The following TMEM117 variants were observed in gnomAD, a reference collection of about 807,000 sequenced individuals.
TMEM117 encodes transmembrane protein 117.
TMEM117 carries 27 observed loss-of-function variants against 52.4 expected under a neutral mutation model. The observed-to-expected ratio is 0.51, with a 90% CI of 0.38 to 0.71. The LOEUF (loss-of-function observed/expected upper bound fraction) is 0.71, where lower values mean the gene tolerates loss of function less well. Among genes scored for constraint, TMEM117 ranks in the 30% least tolerant of loss-of-function variants. TMEM117 has a pLI of 0.00. For missense variants in TMEM117, 556 were observed against 630.5 expected, an observed-to-expected ratio of 0.88 and a Z score of 1.26; for synonymous variants, 215 against 206.3, an observed-to-expected ratio of 1.04 and a Z score of -0.36.
intron 6 of TMEM117, among the ~76,000 whole-genome samples, chr12:44,327,324 A>G (rs1951209942): frequency 6.6e-6 from 1 of 152,228 alleles, no homozygotes; most frequent in Admixed American, 6.5e-5. Flanking sequence ...GTTTAGGAGG[A>G]TAAATAAAAG....
chr12:44,394,412 C>T (rs373960243), downstream of TMEM117, among the ~76,000 whole-genome samples: 17 of 152,176 alleles, frequency 1.1e-4, no homozygotes, highest in East Asian at 1.2e-3. Context: ...GTTGATGCTG[C>T]CATTAAACAT....
chr12:43,962,037 T>C (rs1469266121), intron 3 of TMEM117, among the ~76,000 whole-genome samples: 1 of 152,180 alleles, frequency 6.6e-6, no homozygotes, highest in Non-Finnish European at 1.5e-5. Context: ...CAGAGTCCTA[T>C]TAAGAAAATA....
rs1485053808 is a variant in TMEM117 at position 44,146,528 on chromosome 12, G to A, written c.510+2904G>A. 3.9e-5 allele frequency among the ~76,000 whole-genome samples: 6 copies of A among 152,220 alleles called. No individual in the cohort carries two copies. The East Asian group carries it at 9.7e-4, about 25-fold the overall frequency. The stretch of plus-strand genomic sequence containing the variant: ...CCTTTCCACATTAGACACAGGGATA[G>A]AAATAGCAAAGGAAATACCAAGTGC... On this transcript the variant is annotated intron_variant, in intron 4 of 7. Coordinates refer to ENST00000266534, the MANE Select transcript of TMEM117 (RefSeq NM_032256.3).
At chr12:44,073,507 A>T (rs376332064) in intron 3 of TMEM117, 19 of 152,254 alleles carry the variant, frequency 1.2e-4, no homozygotes, top group African/African-American at 4.6e-4. Context: ...TCATACTATT[A>T]TTGAGGTTTT....
the TMEM117 span, chr12:43,799,541 G>T: frequency 8.4e-7 from 1 of 1,191,038 alleles, no homozygotes; most frequent in African/African-American, 1.6e-5. Flanking sequence ...TAATTCTCTA[G>T]AAGTAAAATG....
chr12:44,330,634 A>G (rs1322251801), intron 6 of TMEM117, among the ~76,000 whole-genome samples: 1 of 152,080 alleles, frequency 6.6e-6, no homozygotes, highest in African/African-American at 2.4e-5. Context: ...TTTAATAGCC[A>G]CATGTAGCTA....
At chr12:44,107,285 G>A (rs1489915521) in intron 3 of TMEM117, among the ~76,000 whole-genome samples, 2 of 152,052 alleles carry the variant, frequency 1.3e-5, no homozygotes, top group East Asian at 1.9e-4. Flanking sequence ...TGGCTCCAGG[G>A]CTCACAGTGT....
chr12:44,236,739 T>C (rs1467505127), intron 5 of TMEM117, among the ~76,000 whole-genome samples: 1 of 152,132 alleles, frequency 6.6e-6, no homozygotes, highest in East Asian at 1.9e-4. Flanking sequence ...GGATAGCTTC[T>C]TTTTCAGAGT....
intron 6 of TMEM117, among the ~76,000 whole-genome samples, chr12:44,369,433 T>C (rs1233993729): frequency 6.6e-6 from 1 of 152,218 alleles, no homozygotes; most frequent in Non-Finnish European, 1.5e-5. Flanking sequence ...GCTTGACTTA[T>C]TTGCTTTTTC....
At chr12:44,179,868 A>G (rs748505223) in intron 4 of TMEM117, among the ~76,000 whole-genome samples, 1 of 152,196 alleles carries the variant, frequency 6.6e-6, no homozygotes, top group Non-Finnish European at 1.5e-5. Flanking sequence ...TCAGTGCTAT[A>G]TAACAACAAT....
rs375987465 is a variant in TMEM117, at chr12:44,011,253, C to T, written c.410+66911C>T. Among the ~76,000 whole-genome samples the T allele has an allele frequency of 5.9e-5, 9 of 152,164 alleles. No homozygotes were observed. In the Middle Eastern group the frequency reaches 0.017, roughly 288 times the overall value. ...AGGGGATACATTCTAAGACTTCTAG[C>T]GGATGCTTGAAACTGAGGATAGTAC... On this transcript the variant is annotated intron_variant, in intron 3 of 7. Transcript: ENST00000266534.
At chr12:44,024,916 A>C (rs963379503) in intron 3 of TMEM117, among the ~76,000 whole-genome samples, 1 of 141,108 alleles carries the variant, frequency 7.1e-6, no homozygotes, top group Non-Finnish European at 1.5e-5. Context: ...ATACATACAG[A>C]GAGAGAGAGA....
chr12:43,957,112 A>G (rs1039372872), intron 3 of TMEM117, among the ~76,000 whole-genome samples: 1 of 152,120 alleles, frequency 6.6e-6, no homozygotes, highest in African/African-American at 2.4e-5. Context: ...ATGAGAACAC[A>G]TGGACACAGG....
intron 3 of TMEM117, among the ~76,000 whole-genome samples, chr12:43,982,412 A>C (rs1437975132): frequency 6.6e-6 from 1 of 152,208 alleles, no homozygotes; most frequent in Non-Finnish European, 1.5e-5. Context: ...CTGAGTCTAC[A>C]CACTGGCTTC....
intron 2 of TMEM117, among the ~76,000 whole-genome samples, chr12:43,928,171 A>G (rs1330597362): frequency 1.3e-5 from 2 of 152,124 alleles, no homozygotes; most frequent in East Asian, 3.8e-4. Context: ...CTGCTAAATA[A>G]TAAAAGTTCT....
the TMEM117 span, chr12:43,799,343 A>C: frequency 1.7e-6 from 2 of 1,166,054 alleles, no homozygotes; most frequent in Non-Finnish European, 2.5e-6. Flanking sequence ...TTAATTAAAA[A>C]TACAGTATTT....
At chr12:43,805,754 G>GA in the TMEM117 span, 1 of 1,329,232 alleles carries the variant, frequency 7.5e-7, no homozygotes, top group South Asian at 1.1e-5. Context: ...ACTGATGTGA[G>GA]AAAGATTCTG....
At chr12:44,016,492 G>T (rs563141079) in intron 3 of TMEM117, among the ~76,000 whole-genome samples, 3 of 151,894 alleles carry the variant, frequency 2.0e-5, no homozygotes, top group Admixed American at 6.6e-5. Context: ...GCTTTCTTCC[G>T]TCTAACTTAA....
upstream of TMEM117, chr12:43,835,991 G>C (rs1471432778): frequency 6.6e-6 from 1 of 151,302 alleles, no homozygotes; most frequent in Non-Finnish European, 1.5e-5. Flanking sequence ...AGCGCGGCGC[G>C]GTGAAGCACC....
Sources: allele counts gnomAD v4.1 joint callset (sites outside exome capture counted in the v4.1 genomes callset), GRCh38; gene constraint gnomAD v4.1.1; transcripts MANE v1.5; gene names NCBI Gene and HGNC (gene_info 2026-07-23, HGNC 2026-07-21).